The following SNX7 variants were observed in gnomAD, a reference collection of about 807,000 sequenced individuals.
The protein encoded by SNX7 is sorting nexin-7.
SNX7 carries 35 observed loss-of-function variants against 48.4 expected under a neutral mutation model. That is an observed-to-expected ratio of 0.72 (90% CI 0.55 to 0.96). The LOEUF (loss-of-function observed/expected upper bound fraction) is 0.96. Among genes scored for constraint, SNX7 ranks in the 40% least tolerant of loss-of-function variants. The pLI, the probability that SNX7 is intolerant of heterozygous loss-of-function variation, is 0.00. For missense variants in SNX7, 553 were observed against 548.9 expected (o/e 1.01, Z -0.07); for synonymous variants, 190 against 190.2 (o/e 1.00, Z 0.01).
At chr1:98,723,156 G>C (rs1570571733) in intron 7 of SNX7, among the ~76,000 whole-genome samples, 2 of 152,056 alleles carry the variant, frequency 1.3e-5, no homozygotes, top group African/African-American at 4.8e-5. Flanking sequence ...ATAGGAAATA[G>C]CAAAAAACAA....
intron 7 of SNX7, among the ~76,000 whole-genome samples, chr1:98,711,253 A>G (rs534960216): frequency 2.3e-4 from 35 of 152,184 alleles, no homozygotes; most frequent in Non-Finnish European, 4.3e-4. Context: ...CCTGACCTCA[A>G]GTGATCCGCC....
intron 1 of SNX7, among the ~76,000 whole-genome samples, chr1:98,665,247 T>G (rs1048186057): frequency 9.2e-5 from 14 of 152,274 alleles, no homozygotes; most frequent in Non-Finnish European, 1.6e-4. Context: ...GGTGTAATCA[T>G]CCTCATCACC....
intron 7 of SNX7, among the ~76,000 whole-genome samples, chr1:98,723,023 A>G (rs1408325504): frequency 6.6e-6 from 1 of 152,184 alleles, no homozygotes; most frequent in Non-Finnish European, 1.5e-5. Context: ...GGGGATAACA[A>G]TGAAAAGATG....
chr1:98,664,356 C>T (rs1649426297), intron 1 of SNX7, among the ~76,000 whole-genome samples: 1 of 152,024 alleles, frequency 6.6e-6, no homozygotes, highest in African/African-American at 2.4e-5. Flanking sequence ...AGTGAAACCC[C>T]ATCTTTACTA....
intron 8 of SNX7, among the ~76,000 whole-genome samples, chr1:98,751,938 A>G (rs1051263691): frequency 1.3e-5 from 2 of 152,174 alleles, no homozygotes; most frequent in Non-Finnish European, 2.9e-5. Flanking sequence ...AACCAGAACT[A>G]TTAAATGTCA....
chr1:98,727,609 A>G (rs1653255599), intron 7 of SNX7, among the ~76,000 whole-genome samples: 1 of 152,198 alleles, frequency 6.6e-6, no homozygotes, highest in Non-Finnish European at 1.5e-5. Flanking sequence ...CTAACTCATT[A>G]CAAAGAAGGT....
intron 2 of SNX7, among the ~76,000 whole-genome samples, chr1:98,687,368 GTTCTAC>G (rs1371001957): frequency 2.6e-5 from 4 of 151,876 alleles, no homozygotes; most frequent in Admixed American, 6.6e-5. Flanking sequence ...GACTTCCATT[GTTCTAC>G]TTCTAATTAC....
chr1:98,753,691 T>G (rs1654695807), intron 8 of SNX7, among the ~76,000 whole-genome samples: 1 of 152,132 alleles, frequency 6.6e-6, no homozygotes, highest in African/African-American at 2.4e-5. Flanking sequence ...TGTATGGGTT[T>G]GCAGAGAGCA....
At chr1:98,670,855 T>G (rs1443083377) in intron 1 of SNX7, among the ~76,000 whole-genome samples, 1 of 139,644 alleles carries the variant, frequency 7.2e-6, no homozygotes, top group Non-Finnish European at 1.5e-5. Context: ...AGCTCTTTTA[T>G]GTAGAGACAG....
At chr1:98,667,815 A>G (rs1404517764) in intron 1 of SNX7, among the ~76,000 whole-genome samples, 8 of 152,062 alleles carry the variant, frequency 5.3e-5, no homozygotes, top group Non-Finnish European at 1.0e-4. Context: ...GATAAATACT[A>G]ATGACGATTA....
intron 1 of SNX7, among the ~76,000 whole-genome samples, chr1:98,674,499 C>T (rs565501525): frequency 6.6e-6 from 1 of 152,148 alleles, no homozygotes; most frequent in African/African-American, 2.4e-5. Context: ...AGAAAGATAG[C>T]AGTCGTAATT....
intron 7 of SNX7, among the ~76,000 whole-genome samples, chr1:98,703,648 A>G (rs1359039563): frequency 1.3e-5 from 2 of 151,998 alleles, no homozygotes; most frequent in Non-Finnish European, 2.9e-5. Flanking sequence ...CTCTTTCTAT[A>G]TATAGTTAAG....
intron 1 of SNX7, among the ~76,000 whole-genome samples, chr1:98,663,198 G>C (rs1281582812): frequency 6.8e-6 from 1 of 147,740 alleles, no homozygotes; most frequent in Non-Finnish European, 1.5e-5. Flanking sequence ...TGAAACTTTG[G>C]GATGGGATGT....
At position 98,757,255 on chromosome 1, in the gene SNX7, A is replaced by G. The variant is rs543982215; in HGVS notation, c.1279-2799A>G. The stretch of plus-strand genomic sequence containing the variant: ...TATAGCAATGCAAGAACAGCCCAAT[A>G]CAGATGCCATAACAAAATTCCAAAG... On this transcript the variant is annotated intron_variant, in intron 8 of 8. Transcript: ENST00000306121. Among the ~76,000 whole-genome samples, 153 of 152,184 alleles carry G rather than the reference A, an allele frequency of 1.0e-3. 1 individual carries two copies. Among genetic ancestry groups the G allele is most frequent in the African/African-American group, 3.5e-3 (147 of 41,538 alleles).
chr1:98,682,226 C>T (rs1292368871), intron 1 of SNX7, among the ~76,000 whole-genome samples: 1 of 151,816 alleles, frequency 6.6e-6, no homozygotes, highest in Non-Finnish European at 1.5e-5. Flanking sequence ...TCCCTCGCTT[C>T]CTTTATTCTT....
intron 4 of SNX7, among the ~76,000 whole-genome samples, chr1:98,694,137 G>A (rs1486757202): frequency 2.6e-5 from 4 of 152,072 alleles, no homozygotes; most frequent in Non-Finnish European, 4.4e-5. Flanking sequence ...TTGGGAGGCC[G>A]AGGCGGGCGG....
chr1:98,686,425 G>T (rs916671013), intron 2 of SNX7, among the ~76,000 whole-genome samples: 1 of 152,110 alleles, frequency 6.6e-6, no homozygotes, highest in Non-Finnish European at 1.5e-5. Flanking sequence ...CCTAACACAC[G>T]ATAAGTGTTC....
intron 7 of SNX7, among the ~76,000 whole-genome samples, chr1:98,713,113 C>T (rs1183506992): frequency 6.1e-5 from 7 of 114,996 alleles, no homozygotes; most frequent in Non-Finnish European, 1.4e-4. Flanking sequence ...AAAAAAAAAA[C>T]TTGTCTACAT....
intron 1 of SNX7, among the ~76,000 whole-genome samples, chr1:98,682,565 T>C (rs1170007959): frequency 6.6e-6 from 1 of 152,162 alleles, no homozygotes; most frequent in African/African-American, 2.4e-5. Context: ...AGGTTGAAAA[T>C]ACTTTTCTCT....
Sources: gnomAD v4.1 joint callset for allele counts (sites outside exome capture counted in the v4.1 genomes callset) on GRCh38, gnomAD v4.1.1 for gene constraint, MANE v1.5 for transcripts, NCBI Gene and HGNC (gene_info 2026-07-23, HGNC 2026-07-21) for gene names.